Variants in BBX observed in about 807,000 individuals in gnomAD.
BBX encodes the protein BBX high mobility group box domain containing, also known as HMG box transcription factor BBX.
Under a neutral mutation model 100.2 loss-of-function variants are expected in BBX, and 30 were observed. That is an observed-to-expected ratio of 0.30 (90% confidence interval 0.22 to 0.41). The LOEUF (loss-of-function observed/expected upper bound fraction) is 0.41, where lower values mean the gene tolerates loss of function less well. BBX is among the 10% of genes least tolerant of loss of function. The probability of loss-of-function intolerance (pLI) is 1.00; values close to 1 mark genes in which losing one functional copy is unlikely to be tolerated. For synonymous variants in BBX, 376 were observed against 388.1 expected (o/e 0.97, Z 0.37); for missense variants, 1,023 against 1,129.8 (o/e 0.91, Z 1.35).
At chr3:107,648,553 G>A (rs62262001) in intron 3 of BBX, among the ~76,000 whole-genome samples, 2,478 of 152,002 alleles carry the variant, frequency 0.016, 27 homozygotes, top group Middle Eastern at 0.034. Context: ...TATATTAATC[G>A]TACTAGATAT....
Position 107,715,962 on chromosome 3 carries a change from A to G in BBX, c.163-645A>G, listed in dbSNP as rs142977973. Among the ~76,000 whole-genome samples the G allele has an allele frequency of 6.2e-3, 941 of 152,328 alleles. 4 individuals carry two copies. Among genetic ancestry groups the G allele is most frequent in the Non-Finnish European group, 0.01 (704 of 68,028 alleles). The stretch of plus-strand genomic sequence containing the variant: ...TTGAGATTTACAAGTTTGAAGATTT[A>G]TTGTGTAGTTCTTCTTTCAAATAAT... On this transcript the variant is annotated intron_variant, in intron 4 of 17. Transcript: ENST00000325805.
At chr3:107,718,307 TATAATA>T (rs2062264641) in intron 5 of BBX, among the ~76,000 whole-genome samples, 1 of 148,062 alleles carries the variant, frequency 6.8e-6, no homozygotes, top group Admixed American at 6.8e-5. Context: ...TTAATATAAT[TATAATA>T]ATTATATAAT....
chr3:107,785,645 TTACTC>T (rs1373838515), intron 13 of BBX, among the ~76,000 whole-genome samples: 1 of 151,806 alleles, frequency 6.6e-6, no homozygotes, highest in Non-Finnish European at 1.5e-5. Context: ...AAAAAAAAAA[TTACTC>T]AACAAACTAG....
At chr3:107,786,602 A>G (rs1024374029) in intron 13 of BBX, among the ~76,000 whole-genome samples, 1 of 152,184 alleles carries the variant, frequency 6.6e-6, no homozygotes, top group Non-Finnish European at 1.5e-5. Flanking sequence ...CTACATTCAA[A>G]TGAAGTTGGA....
rs991662386 is a variant in BBX at position 107,807,633 on chromosome 3, A to C, written c.*2176A>C. ...GTTAGAATAGATCTATTTTTGCCAG[A>C]GCACCCTCCTTCAGTCCTCCGATTA... On this transcript the variant is annotated 3_prime_UTR_variant, in exon 18 of 18. Coordinates refer to ENST00000325805, the MANE Select transcript of BBX (RefSeq NM_001142568.3). 1 of 151,858 alleles carries C rather than the reference A, an allele frequency of 6.6e-6. No individual in the cohort carries two copies. The highest frequency in any genetic ancestry group is 2.4e-5 in the African/African-American group (1 of 41,328). 9.4% of individuals were successfully genotyped at this position (151,858 alleles called of 1,614,324 possible).
At chr3:107,800,385 AATAG>A (rs1266363809) in intron 16 of BBX, among the ~76,000 whole-genome samples, 2 of 152,214 alleles carry the variant, frequency 1.3e-5, no homozygotes, top group Non-Finnish European at 1.5e-5. Flanking sequence ...TTTGTGTCCT[AATAG>A]ATAATATTTA....
intron 8 of BBX, among the ~76,000 whole-genome samples, chr3:107,746,842 A>G (rs1359316437): frequency 1.3e-5 from 2 of 152,154 alleles, no homozygotes; most frequent in Non-Finnish European, 2.9e-5. Context: ...ACTAAAACGA[A>G]AAAGCAGTTT....
intron 3 of BBX, among the ~76,000 whole-genome samples, chr3:107,678,355 G>C (rs1276262207): frequency 2.6e-5 from 4 of 151,956 alleles, no homozygotes; most frequent in Admixed American, 2.6e-4. Context: ...CACAACATCT[G>C]GTTAATAGTA....
At chr3:107,686,823 A>G (rs1418711071) in intron 3 of BBX, among the ~76,000 whole-genome samples, 1 of 152,192 alleles carries the variant, frequency 6.6e-6, no homozygotes, top group African/African-American at 2.4e-5. Flanking sequence ...GTTTTGCTCC[A>G]GATTCTGAAT....
intron 2 of BBX, among the ~76,000 whole-genome samples, chr3:107,628,672 CAT>C (rs1213984597): frequency 6.6e-6 from 1 of 152,054 alleles, no homozygotes; most frequent in African/African-American, 2.4e-5. Flanking sequence ...TTGAACCAAA[CAT>C]AAAATAGGTG....
chr3:107,632,365 G>T (rs879764976), intron 2 of BBX, among the ~76,000 whole-genome samples: 46 of 152,186 alleles, frequency 3.0e-4, no homozygotes, highest in African/African-American at 1.1e-3. Flanking sequence ...GATTACAGGC[G>T]TGAGCTACCA....
At chr3:107,586,186 A>G (rs1559843540) in intron 2 of BBX, among the ~76,000 whole-genome samples, 2 of 152,196 alleles carry the variant, frequency 1.3e-5, no homozygotes, top group Non-Finnish European at 1.5e-5. Flanking sequence ...CTGATATTCT[A>G]AAGAGGTTAT....
intron 2 of BBX, among the ~76,000 whole-genome samples, chr3:107,580,163 T>C (rs1379360939): frequency 6.6e-6 from 1 of 152,166 alleles, no homozygotes; most frequent in East Asian, 1.9e-4. Context: ...ACATCAGTTA[T>C]AGAGTCCAAT....
intron 3 of BBX, among the ~76,000 whole-genome samples, chr3:107,709,619 A>C (rs1576447187): frequency 1.3e-5 from 2 of 152,246 alleles, no homozygotes; most frequent in African/African-American, 4.8e-5. Flanking sequence ...GAATGAATGA[A>C]TGAGAAGTAA....
At chr3:107,622,615 A>G (rs531976170) in intron 2 of BBX, among the ~76,000 whole-genome samples, 1 of 152,242 alleles carries the variant, frequency 6.6e-6, no homozygotes, top group South Asian at 2.1e-4. Flanking sequence ...AGCCTCTTTA[A>G]TGTCTTTATC....
At chr3:107,569,115 A>G (rs1374175208) in intron 2 of BBX, among the ~76,000 whole-genome samples, 2 of 152,238 alleles carry the variant, frequency 1.3e-5, no homozygotes, top group African/African-American at 4.8e-5. Flanking sequence ...ACTACGTGCC[A>G]GGAACTGTAC....
At chr3:107,540,066 A>T (rs572351363) in intron 2 of BBX, among the ~76,000 whole-genome samples, 1 of 152,296 alleles carries the variant, frequency 6.6e-6, no homozygotes, top group East Asian at 1.9e-4. Flanking sequence ...TTTATCTCCT[A>T]TGCCTATAAA....
At chr3:107,562,873 C>T (rs1402785601) in intron 2 of BBX, among the ~76,000 whole-genome samples, 1 of 152,146 alleles carries the variant, frequency 6.6e-6, no homozygotes, top group East Asian at 1.9e-4. Context: ...TTTCAAAGTA[C>T]TGATATTTGA....
At chr3:107,794,035 C>G (rs1325217961) in intron 15 of BBX, among the ~76,000 whole-genome samples, 3 of 152,034 alleles carry the variant, frequency 2.0e-5, no homozygotes, top group Non-Finnish European at 4.4e-5. Context: ...GTAGGATTTT[C>G]AAATAAACCA....
Sources: gnomAD v4.1 joint callset for allele counts (sites outside exome capture counted in the v4.1 genomes callset) on GRCh38, gnomAD v4.1.1 for gene constraint, MANE v1.5 for transcripts, NCBI Gene and HGNC (gene_info 2026-07-23, HGNC 2026-07-21) for gene names.